Variants in CHST11 observed in about 807,000 individuals in gnomAD.
CHST11 encodes the protein carbohydrate sulfotransferase 11, also known as C4S-1.
In CHST11, 9 loss-of-function variants were observed where a neutral mutation model predicts 30.4. The ratio of observed to expected loss-of-function variants is 0.30; its 90% confidence interval spans 0.18 to 0.52. CHST11 has a LOEUF of 0.52. CHST11 is among the 20% of genes least tolerant of loss of function. CHST11 has a pLI of 0.97. For synonymous variants in CHST11, 152 were observed against 187.8 expected (o/e 0.81, Z 1.56); for missense variants, 348 against 460.6 (o/e 0.76, Z 2.24).
intron 2 of CHST11, among the ~76,000 whole-genome samples, chr12:104,608,484 C>T (rs2039027815): frequency 6.6e-6 from 1 of 152,150 alleles, no homozygotes; most frequent in African/African-American, 2.4e-5. Flanking sequence ...CAAGCACCAT[C>T]CTATAAAATC....
At chr12:104,591,374 T>C (rs1434736271) in intron 1 of CHST11, among the ~76,000 whole-genome samples, 1 of 151,954 alleles carries the variant, frequency 6.6e-6, no homozygotes, top group Admixed American at 6.6e-5. Flanking sequence ...AAGAGGTTTT[T>C]GTCATAGCCC....
chr12:104,527,684 C>T (rs2038140801), intron 1 of CHST11, among the ~76,000 whole-genome samples: 1 of 152,220 alleles, frequency 6.6e-6, no homozygotes, highest in South Asian at 2.1e-4. Context: ...AAGCTACCCG[C>T]TATGCCCAAC....
intron 2 of CHST11, among the ~76,000 whole-genome samples, chr12:104,631,234 G>T (rs983245585): frequency 6.6e-6 from 1 of 152,208 alleles, no homozygotes; most frequent in Non-Finnish European, 1.5e-5. Context: ...CTTTGGAAGG[G>T]ACTCGCTTTA....
intron 2 of CHST11, among the ~76,000 whole-genome samples, chr12:104,722,836 T>C (rs2040188674): frequency 6.6e-6 from 1 of 152,068 alleles, no homozygotes; most frequent in South Asian, 2.1e-4. Context: ...AAGACCTTTG[T>C]GAGGCTGAGA....
At chr12:104,565,347 A>G (rs556369574) in intron 1 of CHST11, among the ~76,000 whole-genome samples, 260 of 142,432 alleles carry the variant, frequency 1.8e-3, no homozygotes, top group African/African-American at 6.5e-3. Flanking sequence ...GCTCACTGTA[A>G]CCTCCACCTC....
At chr12:104,496,114 A>G (rs889439346) in intron 1 of CHST11, among the ~76,000 whole-genome samples, 1 of 152,254 alleles carries the variant, frequency 6.6e-6, no homozygotes, top group African/African-American at 2.4e-5. Flanking sequence ...TGTTAAATGA[A>G]TAATAGAAAA....
chr12:104,675,289 A>G (rs765080005), intron 2 of CHST11, among the ~76,000 whole-genome samples: 6 of 152,258 alleles, frequency 3.9e-5, no homozygotes, highest in Non-Finnish European at 7.3e-5. Flanking sequence ...GACAGAAATT[A>G]CTTCAGCTTC....
chr12:104,465,829 A>G lies in CHST11; in HGVS notation c.118+8300A>G, dbSNP rs935883496. Among the ~76,000 whole-genome samples the G allele has an allele frequency of 2.0e-4, 31 of 152,252 alleles. 2 individuals carry two copies. Among genetic ancestry groups the G allele is most frequent in the Admixed American group, 1.1e-3 (17 of 15,300 alleles). On this transcript the variant is annotated intron_variant, in intron 1 of 2. Transcript: ENST00000303694. ...CTTCTGTTCTGCTGTGTTTCAGGGC[A>G]GGAAATAGAAATCAGTCTAGATATT...
At chr12:104,520,456 C>T (rs2038064058) in intron 1 of CHST11, among the ~76,000 whole-genome samples, 1 of 152,106 alleles carries the variant, frequency 6.6e-6, no homozygotes, top group South Asian at 2.1e-4. Context: ...AGGAGGAGCA[C>T]CACTGCTGCT....
chr12:104,685,071 T>C (rs2039834288), intron 2 of CHST11, among the ~76,000 whole-genome samples: 1 of 152,222 alleles, frequency 6.6e-6, no homozygotes, highest in African/African-American at 2.4e-5. Flanking sequence ...TCCCAAGCAA[T>C]TTTTCTTACA....
chr12:104,533,253 A>G (rs778169389), intron 1 of CHST11, among the ~76,000 whole-genome samples: 3 of 152,204 alleles, frequency 2.0e-5, no homozygotes, highest in Non-Finnish European at 4.4e-5. Flanking sequence ...ATTCCTGACC[A>G]AGACTTGAGG....
chr12:104,710,502 C>A (rs915447099), intron 2 of CHST11, among the ~76,000 whole-genome samples: 2 of 152,112 alleles, frequency 1.3e-5, no homozygotes, highest in Non-Finnish European at 1.5e-5. Context: ...CCATCCTATA[C>A]CCTTCCAGGG....
chr12:104,706,938 G>A (rs1468181497), intron 2 of CHST11, among the ~76,000 whole-genome samples: 1 of 152,146 alleles, frequency 6.6e-6, no homozygotes, highest in Non-Finnish European at 1.5e-5. Flanking sequence ...GCGAGGCTCT[G>A]AATTGAGGTC....
chr12:104,515,441 G>GT (rs1227928203), intron 1 of CHST11, among the ~76,000 whole-genome samples: 1 of 152,218 alleles, frequency 6.6e-6, no homozygotes, highest in Non-Finnish European at 1.5e-5. Flanking sequence ...CTCCGATGGT[G>GT]TTAAAGCTTG....
chr12:104,711,165 T>C (rs2040084704), intron 2 of CHST11, among the ~76,000 whole-genome samples: 1 of 152,238 alleles, frequency 6.6e-6, no homozygotes, highest in African/African-American at 2.4e-5. Flanking sequence ...GATGGGCTTG[T>C]ACACAGAGCA....
intron 1 of CHST11, among the ~76,000 whole-genome samples, chr12:104,518,034 G>A (rs1172232093): frequency 6.6e-6 from 1 of 152,114 alleles, no homozygotes; most frequent in Non-Finnish European, 1.5e-5. Flanking sequence ...GCTCACGCCT[G>A]TAATCCCAGC....
chr12:104,573,276 C>T (rs911842253), intron 1 of CHST11, among the ~76,000 whole-genome samples: 3 of 152,116 alleles, frequency 2.0e-5, no homozygotes, highest in Admixed American at 2.0e-4. Flanking sequence ...TGAAAATGGC[C>T]ATACTGCCCA....
chr12:104,507,030 G>A (rs375971794), intron 1 of CHST11, among the ~76,000 whole-genome samples: 3 of 152,198 alleles, frequency 2.0e-5, no homozygotes, highest in Non-Finnish European at 4.4e-5. Context: ...ATTCAGAGGG[G>A]AAGAGCACAG....
chr12:104,728,498 G>A (rs1324999114), intron 2 of CHST11, among the ~76,000 whole-genome samples: 1 of 152,126 alleles, frequency 6.6e-6, no homozygotes, highest in Non-Finnish European at 1.5e-5. Flanking sequence ...AGGGGTTGGA[G>A]GAGGAATTTC....
Sources: allele counts gnomAD v4.1 joint callset (sites outside exome capture counted in the v4.1 genomes callset), GRCh38; gene constraint gnomAD v4.1.1; transcripts MANE v1.5; gene names NCBI Gene and HGNC (gene_info 2026-07-23, HGNC 2026-07-21).